Variants in CSMD3 observed in about 807,000 individuals in gnomAD.
CSMD3 encodes CUB and Sushi multiple domains 3.
A neutral mutation model predicts 435.2 loss-of-function variants in CSMD3; 177 were observed. The ratio of observed to expected loss-of-function variants is 0.41; its 90% CI spans 0.36 to 0.46. The LOEUF is 0.46. CSMD3 is among the 20% of genes least tolerant of loss of function. The pLI is 0.34. For synonymous variants in CSMD3, 1,656 were observed against 1,520.5 expected (o/e 1.09, Z -2.07); for missense variants, 4,265 against 4,504.6 (o/e 0.95, Z 1.52).
chr8:112,652,867 G>A (rs897513709), intron 18 of CSMD3, among the ~76,000 whole-genome samples: 9 of 152,028 alleles, frequency 5.9e-5, no homozygotes, highest in Non-Finnish European at 1.2e-4. Flanking sequence ...GGAATGCAGT[G>A]GCTAATCTTG....
chr8:113,166,466 T>C (rs1017768303), intron 4 of CSMD3, among the ~76,000 whole-genome samples: 2 of 152,188 alleles, frequency 1.3e-5, no homozygotes, highest in East Asian at 1.9e-4. Flanking sequence ...GATTGCACCA[T>C]TGTACTCCAG....
intron 3 of CSMD3, among the ~76,000 whole-genome samples, chr8:113,213,682 C>T (rs1305599505): frequency 1.3e-5 from 2 of 151,800 alleles, no homozygotes; most frequent in Non-Finnish European, 1.5e-5. Flanking sequence ...GCCCATACAG[C>T]AACTTTAAAA....
intron 4 of CSMD3, among the ~76,000 whole-genome samples, chr8:113,170,793 ATT>A (rs1345357369): frequency 6.6e-5 from 10 of 152,146 alleles, no homozygotes; most frequent in Non-Finnish European, 7.4e-5. Flanking sequence ...AAATTTATTC[ATT>A]AGTTTTACAG....
At chr8:112,472,148 T>C (rs753058931) in intron 32 of CSMD3, among the ~76,000 whole-genome samples, 2 of 152,184 alleles carry the variant, frequency 1.3e-5, no homozygotes, top group Non-Finnish European at 2.9e-5. Flanking sequence ...AACCAAAAAC[T>C]CTTCTTTCTG....
intron 26 of CSMD3, among the ~76,000 whole-genome samples, 154 bp downstream of exon 26, chr8:112,552,440 C>G (rs778407494): frequency 6.6e-5 from 10 of 152,032 alleles, no homozygotes; most frequent in African/African-American, 1.2e-4. Flanking sequence ...GAGCCGAGAT[C>G]GAGCCCTGCC....
At chr8:112,794,042 C>A (rs768317184) in intron 13 of CSMD3, among the ~76,000 whole-genome samples, 15 of 152,030 alleles carry the variant, frequency 9.9e-5, no homozygotes, top group Non-Finnish European at 1.8e-4. Context: ...TAGCCTCACA[C>A]AATTGAAAGA....
intron 3 of CSMD3, among the ~76,000 whole-genome samples, chr8:113,242,259 C>T (rs1332924191): frequency 6.6e-6 from 1 of 151,752 alleles, no homozygotes; most frequent in Non-Finnish European, 1.5e-5. Context: ...GTACATTTTA[C>T]CTTAATGAAC....
intron 3 of CSMD3, among the ~76,000 whole-genome samples, chr8:113,174,144 T>C (rs1471876458): frequency 6.6e-6 from 1 of 152,148 alleles, no homozygotes; most frequent in East Asian, 1.9e-4. Context: ...AAGTTTTAGA[T>C]ATTATATTAC....
chr8:112,318,109 G>A (rs1297806627), intron 47 of CSMD3, among the ~76,000 whole-genome samples: 7 of 151,930 alleles, frequency 4.6e-5, no homozygotes, highest in African/African-American at 1.7e-4. Flanking sequence ...TGAAGTCCAT[G>A]CCCTGTTGTT....
At chr8:112,746,685 T>C (rs960518155) in intron 13 of CSMD3, among the ~76,000 whole-genome samples, 10 of 152,072 alleles carry the variant, frequency 6.6e-5, no homozygotes, top group Non-Finnish European at 1.5e-4. Flanking sequence ...ATTTGTATAT[T>C]TTGCATTCTA....
intron 3 of CSMD3, among the ~76,000 whole-genome samples, chr8:113,267,179 A>C (rs1563628029): frequency 6.6e-6 from 1 of 151,702 alleles, no homozygotes; most frequent in Non-Finnish European, 1.5e-5. Context: ...CCACTATAGA[A>C]AACAGTATGG....
intron 27 of CSMD3, among the ~76,000 whole-genome samples, chr8:112,549,549 T>C (rs911909434): frequency 6.6e-6 from 1 of 152,040 alleles, no homozygotes; most frequent in Admixed American, 6.6e-5. Flanking sequence ...TATAATTGTT[T>C]ACTTAAAACG....
chr8:112,810,773 T>C (rs2079203700), intron 12 of CSMD3, among the ~76,000 whole-genome samples: 1 of 152,106 alleles, frequency 6.6e-6, no homozygotes, highest in Non-Finnish European at 1.5e-5. Flanking sequence ...TGATGAAAAC[T>C]CTGAATAAGT....
In CSMD3 at chr8:112,609,089, C is replaced by G. The variant is rs188926507; in HGVS notation, c.3716-21854G>C. On this transcript the variant is annotated intron_variant, in intron 22 of 70. Transcript: ENST00000297405. ...TGGTGGCGCATGCCTGTAATCCCAG[C>G]TACTCAGGAGGCTGAGGCAGGAGAA... 2.7e-5 allele frequency among the ~76,000 whole-genome samples: 4 copies of G among 150,614 alleles called. No individual in the cohort carries two copies. In the East Asian group the frequency reaches 7.9e-4, roughly 30 times the overall value.
chr8:112,573,354 G>A (rs1586712568), intron 24 of CSMD3, 147 bp downstream of exon 24: 3 of 772,880 alleles, frequency 3.9e-6, no homozygotes, highest in Non-Finnish European at 6.6e-6. Context: ...CCGGGCTGTT[G>A]TTAGGGTCAA....
intron 45 of CSMD3, among the ~76,000 whole-genome samples, chr8:112,329,090 A>C (rs1823787558): frequency 6.6e-6 from 1 of 152,182 alleles, no homozygotes; most frequent in African/African-American, 2.4e-5. Context: ...TCTTCTCCGC[A>C]TGCAGACAGC....
At chr8:112,774,429 A>G (rs1434899713) in intron 13 of CSMD3, among the ~76,000 whole-genome samples, 1 of 152,006 alleles carries the variant, frequency 6.6e-6, no homozygotes, top group Non-Finnish European at 1.5e-5. Flanking sequence ...GGTTTTCCAT[A>G]TAAAGAGCCC....
chr8:112,859,821 TCA>T (rs1212438240), intron 10 of CSMD3, among the ~76,000 whole-genome samples: 3 of 151,792 alleles, frequency 2.0e-5, no homozygotes, highest in African/African-American at 4.8e-5. Context: ...TAGCATTTTC[TCA>T]GTTTTCTAAC....
intron 5 of CSMD3, among the ~76,000 whole-genome samples, chr8:113,049,242 AAGAG>A (rs1188830126): frequency 6.6e-6 from 1 of 152,082 alleles, no homozygotes; most frequent in Non-Finnish European, 1.5e-5. Flanking sequence ...CTGTCTCAAA[AAGAG>A]AGAGGAGAGA....
Sources: gnomAD v4.1 joint callset for allele counts (sites outside exome capture counted in the v4.1 genomes callset) on GRCh38, gnomAD v4.1.1 for gene constraint, MANE v1.5 for transcripts, NCBI Gene and HGNC (gene_info 2026-07-23, HGNC 2026-07-21) for gene names.